Variants in KDM5A observed in about 807,000 individuals in gnomAD.
KDM5A encodes the protein lysine-specific demethylase 5A.
In KDM5A, 42 loss-of-function variants were observed where a neutral mutation model predicts 193.5. That is an observed-to-expected ratio of 0.22 (90% confidence interval 0.17 to 0.28). The LOEUF (loss-of-function observed/expected upper bound fraction) is 0.28, where lower values mean the gene tolerates loss of function less well. Ranked by LOEUF, KDM5A falls within the 10% of genes least tolerant of loss-of-function variation. The pLI is 1.00. For missense variants in KDM5A, 1,692 were observed against 2,055.1 expected (o/e 0.82, Z 3.42); for synonymous variants, 796 against 718.1 (o/e 1.11, Z -1.73).
chr12:343,317 G>T (rs1781630015), intron 10 of KDM5A, among the ~76,000 whole-genome samples: 2 of 152,218 alleles, frequency 1.3e-5, no homozygotes, highest in Admixed American at 1.3e-4. Flanking sequence ...AAGGCCTACT[G>T]CCTCTAGACT....
At chr12:380,677 T>C (rs1367503278) in intron 3 of KDM5A, among the ~76,000 whole-genome samples, 1 of 152,050 alleles carries the variant, frequency 6.6e-6, no homozygotes, top group East Asian at 1.9e-4. Context: ...GAGCCAAGAT[T>C]GTGCCACTGC....
intron 20 of KDM5A, 56 bp downstream of exon 20, chr12:313,000 T>C: frequency 6.5e-7 from 1 of 1,527,964 alleles, no homozygotes; most frequent in Non-Finnish European, 9.1e-7. Context: ...GTTTAAAAGA[T>C]TAATCCATGA....
chr12:349,805 G>C (rs746536036), intron 10 of KDM5A, among the ~76,000 whole-genome samples: 25 of 151,282 alleles, frequency 1.7e-4, no homozygotes, highest in Non-Finnish European at 3.4e-4. Flanking sequence ...TTACAGGTGT[G>C]AGTCATTGCA....
intron 14 of KDM5A, among the ~76,000 whole-genome samples, chr12:328,303 T>C (rs952748941): frequency 6.6e-6 from 1 of 152,186 alleles, no homozygotes; most frequent in Non-Finnish European, 1.5e-5. Context: ...TAGCTAGCTA[T>C]GTAGGAAATA....
rs1200636733 is a variant in KDM5A, at chr12:282,022, G to A, written c.*3434C>T. 1.7e-5 allele frequency: 5 copies of A among 302,226 alleles called. No homozygotes were observed. Among genetic ancestry groups the A allele is most frequent in the South Asian group, 3.7e-5 (1 of 26,830 alleles). The allele number at this position is 302,226 out of a possible 1,614,324, so 18.7% of individuals were successfully genotyped here. On this transcript the variant is annotated 3_prime_UTR_variant, in exon 28 of 28. Transcript: ENST00000399788. ...AGAAGCAAAGCCCAGGCAGAACCAT[G>A]CTAACCTTACAGCTCAGCCTGCACA...
At chr12:299,083 C>G (rs1294896056) in intron 24 of KDM5A, among the ~76,000 whole-genome samples, 3 of 151,974 alleles carry the variant, frequency 2.0e-5, no homozygotes, top group Non-Finnish European at 4.4e-5. Context: ...GATTGGTGTA[C>G]CTGTGTGATG....
chr12:356,511 G>A lies in KDM5A; in HGVS notation c.699C>T (p.Asn233=), dbSNP rs1450935630. The part of the protein sequence containing the change: ...TQSESGDVSR[N]TELKKLQIFG... ...AAATCTGAAGTTTCTTCAGTTCCGT[G>A]TTTCTACTCACATCTCCAGATTCTG... is the stretch of plus-strand genomic sequence containing the variant. The change falls in exon 6 of 28, where the codon AAC becomes AAT. Residue 233 remains asparagine, a synonymous_variant. Coordinates refer to ENST00000399788, the MANE Select transcript of KDM5A (RefSeq NM_001042603.3). The A allele has an allele frequency of 5.0e-6, 8 of 1,612,994 alleles. No homozygotes were observed. The highest frequency in any genetic ancestry group is 6.8e-6 in the Non-Finnish European group (8 of 1,179,042).
chr12:322,361 T>C, intron 17 of KDM5A, 56 bp downstream of exon 17: 1 of 1,584,500 alleles, frequency 6.3e-7, no homozygotes, highest in Non-Finnish European at 8.6e-7. Context: ...AAATTTTGGT[T>C]TTTACTCTGA....
rs1591892828 is a variant in KDM5A, at chr12:285,413, T to C, written c.*43A>G. 2.0e-6 allele frequency: 3 copies of C among 1,525,546 alleles called. No individual in the cohort carries two copies. The highest frequency in any genetic ancestry group is 2.3e-5 in the East Asian group (1 of 44,416). The allele number at this position is 1,525,546 out of a possible 1,614,324, so 94.5% of individuals were successfully genotyped here. A position where few individuals can be genotyped will look rare whatever the true frequency, so the allele number is the denominator to read the frequency against. On this transcript the variant is annotated 3_prime_UTR_variant, in exon 28 of 28. Transcript: ENST00000399788. ...CTCTACTTGATGACTAAGGTCTCAA[T>C]GTGGTCCATGTCCCCCCATGTCCCA...
At chr12:387,323 C>A in intron 1 of KDM5A, 4 of 309,768 alleles carry the variant, frequency 1.3e-5, no homozygotes, top group East Asian at 1.2e-4. Flanking sequence ...AATAATGTGA[C>A]ATAAAGAGAA....
Position 282,434 on chromosome 12 carries a change from G to A in KDM5A, c.*3022C>T, listed in dbSNP as rs912026193. The A allele has an allele frequency of 4.3e-6, 1 of 232,954 alleles. No homozygotes were observed. Among genetic ancestry groups the A allele is most frequent in the Non-Finnish European group, 8.5e-6 (1 of 118,010 alleles). 14.4% of individuals were successfully genotyped at this position (232,954 alleles called of 1,614,324 possible). The stretch of plus-strand genomic sequence containing the variant: ...TGAATCATGCAGGCAAAGCTGGTGT[G>A]CAGCAGCTTAGTGAGGAAGTCATGC... On this transcript the variant is annotated 3_prime_UTR_variant, in exon 28 of 28. Coordinates refer to ENST00000399788, the MANE Select transcript of KDM5A (RefSeq NM_001042603.3).
chr12:312,479 T>C (rs1943600448), intron 20 of KDM5A, among the ~76,000 whole-genome samples: 1 of 152,162 alleles, frequency 6.6e-6, no homozygotes, highest in Non-Finnish European at 1.5e-5. Context: ...AGGTAACAAA[T>C]TCCCTACTGC....
intron 5 of KDM5A, among the ~76,000 whole-genome samples, chr12:362,659 G>A (rs182286708): frequency 2.6e-4 from 40 of 152,212 alleles, no homozygotes; most frequent in African/African-American, 9.4e-4. Flanking sequence ...ATCAAATTAC[G>A]CCACATTTCA....
At position 305,966 on chromosome 12, in the gene KDM5A, A is replaced by C. The variant is rs540242648; in HGVS notation, c.4074+980T>G. 7.7e-4 allele frequency among the ~76,000 whole-genome samples: 92 copies of C among 119,894 alleles called. No individual in the cohort carries two copies. In the East Asian group the frequency reaches 0.024, roughly 31 times the overall value. The allele number at this position is 119,894 out of a possible 152,430, so 78.7% of individuals were successfully genotyped here. On this transcript the variant is annotated intron_variant, in intron 24 of 27. Transcript: ENST00000399788. The stretch of plus-strand genomic sequence containing the variant: ...CAGAGCAAAAGACTCTAGCAATGGA[A>C]GTGTTTTTTTTTTTTTTTTTTTTTT...
intron 3 of KDM5A, among the ~76,000 whole-genome samples, chr12:370,903 A>G (rs1345925398): frequency 2.0e-5 from 3 of 152,018 alleles, no homozygotes; most frequent in Non-Finnish European, 4.4e-5. Context: ...GCTGAGAATG[A>G]TGGTTTCCAG....
At chr12:291,952 G>A (rs903552977) in intron 27 of KDM5A, among the ~76,000 whole-genome samples, 1 of 150,040 alleles carries the variant, frequency 6.7e-6, no homozygotes, top group Admixed American at 6.7e-5. Context: ...GCCCAGGCTG[G>A]AGCACAATGG....
chr12:302,887 AT>A (rs1333414961), intron 24 of KDM5A, among the ~76,000 whole-genome samples: 1 of 152,248 alleles, frequency 6.6e-6, no homozygotes, highest in Non-Finnish European at 1.5e-5. Context: ...AAAAGAAGAC[AT>A]TTATGCAGCC....
intron 21 of KDM5A, among the ~76,000 whole-genome samples, chr12:310,435 C>A (rs1490867484): frequency 6.6e-6 from 1 of 152,108 alleles, no homozygotes; most frequent in African/African-American, 2.4e-5. Flanking sequence ...GAGTTCAAGA[C>A]CAGCCCAGGC....
At position 306,091 on chromosome 12, in the gene KDM5A, C is replaced by T. The variant is rs148242486; in HGVS notation, c.4074+855G>A. On this transcript the variant is annotated intron_variant, in intron 24 of 27. Coordinates refer to ENST00000399788, the MANE Select transcript of KDM5A (RefSeq NM_001042603.3). ...GCTCAAAGCAATCCTCCCACTTCAG[C>T]CTCCCAAGTAGCTGGGACTACAGGT... 2.8e-3 allele frequency among the ~76,000 whole-genome samples: 414 copies of T among 150,372 alleles called. 2 individuals are homozygous for T. The highest frequency in any genetic ancestry group is 9.7e-3 in the African/African-American group (397 of 40,874).
Sources: gnomAD v4.1 joint callset for allele counts (sites outside exome capture counted in the v4.1 genomes callset) on GRCh38, gnomAD v4.1.1 for gene constraint, MANE v1.5 for transcripts, NCBI Gene and HGNC (gene_info 2026-07-23, HGNC 2026-07-21) for gene names.